PRKAR2A: variants seen among roughly 807,000 people sequenced by gnomAD.
PRKAR2A encodes protein kinase cAMP-dependent type II regulatory subunit alpha.
PRKAR2A carries 29 observed loss-of-function variants against 51.9 expected under a neutral mutation model. The ratio of observed to expected loss-of-function variants is 0.56; its 90% CI spans 0.42 to 0.76. The LOEUF (loss-of-function observed/expected upper bound fraction) is 0.76. PRKAR2A is among the 30% of genes least tolerant of loss of function. The pLI, the probability that PRKAR2A is intolerant of heterozygous loss-of-function variation, is 0.00. For missense variants in PRKAR2A, 445 were observed against 512.1 expected (o/e 0.87, Z 1.26); for synonymous variants, 178 against 186.2 (o/e 0.96, Z 0.36).
At chr3:48,808,762 C>T (rs2082722755) in intron 1 of PRKAR2A, among the ~76,000 whole-genome samples, 1 of 126,482 alleles carries the variant, frequency 7.9e-6, no homozygotes, top group Non-Finnish European at 1.6e-5. Context: ...AGTGATCCAC[C>T]CACCTTGGCC....
intron 10 of PRKAR2A, among the ~76,000 whole-genome samples, 159 bp from the exon 11 acceptor site, chr3:48,751,877 C>T (rs77535416): frequency 0.031 from 4,723 of 152,288 alleles, 107 homozygotes; most frequent in Non-Finnish European, 0.049. Context: ...AGAAGACTGT[C>T]ATCCAGGTTA....
intron 1 of PRKAR2A, among the ~76,000 whole-genome samples, chr3:48,833,091 A>C (rs2083220496): frequency 6.6e-6 from 1 of 152,214 alleles, no homozygotes; most frequent in South Asian, 2.1e-4. Context: ...TTGTATTAAC[A>C]CTGGCGCAAT....
intron 1 of PRKAR2A, among the ~76,000 whole-genome samples, chr3:48,824,140 T>C (rs1239929995): frequency 1.3e-5 from 2 of 151,830 alleles, no homozygotes; most frequent in Non-Finnish European, 2.9e-5. Context: ...ACTCGGGAGG[T>C]TGAGGCAGGA....
chr3:48,752,052 GGTCACATAA>G, intron 10 of PRKAR2A, 115 bp downstream of exon 10: 1 of 1,084,980 alleles, frequency 9.2e-7, no homozygotes, highest in South Asian at 1.7e-5. Flanking sequence ...ATCTCTGGTT[GGTCACATAA>G]ACTGCCTAGG....
At chr3:48,802,452 AG>A (rs910013938) in intron 2 of PRKAR2A, among the ~76,000 whole-genome samples, 3 of 152,152 alleles carry the variant, frequency 2.0e-5, no homozygotes, top group African/African-American at 7.2e-5. Context: ...TGAGTTTAAA[AG>A]GAAAAAAAAA....
At chr3:48,770,924 T>C (rs887279495) in intron 6 of PRKAR2A, among the ~76,000 whole-genome samples, 9 of 152,192 alleles carry the variant, frequency 5.9e-5, no homozygotes, top group African/African-American at 2.2e-4. Context: ...TCTTAGAGAT[T>C]ATCCAAGAAT....
At chr3:48,767,198 G>T (rs940071820) in intron 6 of PRKAR2A, among the ~76,000 whole-genome samples, 2 of 152,242 alleles carry the variant, frequency 1.3e-5, no homozygotes, top group Non-Finnish European at 1.5e-5. Context: ...ATAATAATGG[G>T]CTGGGCGCAG....
chr3:48,788,785 C>T (rs1036712342), intron 4 of PRKAR2A, among the ~76,000 whole-genome samples: 3 of 152,098 alleles, frequency 2.0e-5, no homozygotes, highest in Non-Finnish European at 2.9e-5. Flanking sequence ...CTGCTGGCAC[C>T]TTGAGCTTGG....
intron 9 of PRKAR2A, among the ~76,000 whole-genome samples, chr3:48,752,628 A>G (rs1158203442): frequency 6.6e-6 from 1 of 152,132 alleles, no homozygotes; most frequent in Non-Finnish European, 1.5e-5. Context: ...ATGAGCCACA[A>G]ACTTGGGCTA....
At position 48,847,223 on chromosome 3, in the gene PRKAR2A, C is replaced by A; in HGVS notation, c.262+112G>T. ...GCTAGAAACGCGGCTACAGAGCTCC[C>A]AATCCCAGCCTGCGGTCGGCTTGGC... On this transcript the variant is annotated intron_variant, in intron 1 of 10. Coordinates refer to ENST00000265563, the MANE Select transcript of PRKAR2A (RefSeq NM_004157.4). The surrounding 1 kb of genome is among the most constrained non-coding windows in gnomAD (Gnocchi z 4.4). 1 of 1,363,422 alleles carries A rather than the reference C, an allele frequency of 7.3e-7. No homozygotes were observed. The highest frequency in any genetic ancestry group is 9.9e-7 in the Non-Finnish European group (1 of 1,008,938). The allele number at this position is 1,363,422 out of a possible 1,614,324, so 84.5% of individuals were successfully genotyped here. A position where few individuals can be genotyped will look rare whatever the true frequency, so the allele number is the denominator to read the frequency against.
chr3:48,757,650 C>T (rs550192710), intron 8 of PRKAR2A, among the ~76,000 whole-genome samples: 3 of 152,268 alleles, frequency 2.0e-5, no homozygotes, highest in Non-Finnish European at 2.9e-5. Context: ...AGGCCAGGCA[C>T]GGTGGCTCAC....
chr3:48,810,820 T>C (rs562214478), intron 1 of PRKAR2A, among the ~76,000 whole-genome samples: 12 of 152,088 alleles, frequency 7.9e-5, no homozygotes, highest in Non-Finnish European at 1.6e-4. Context: ...ATTAAGGGAA[T>C]ATTGGTACAG....
chr3:48,817,136 G>C (rs1179658703), intron 1 of PRKAR2A, among the ~76,000 whole-genome samples: 1 of 151,700 alleles, frequency 6.6e-6, no homozygotes, highest in African/African-American at 2.4e-5. Flanking sequence ...AGACCATCCT[G>C]GCCAAGATGG....
chr3:48,773,417 C>T (rs1249301686), intron 5 of PRKAR2A, among the ~76,000 whole-genome samples: 1 of 144,512 alleles, frequency 6.9e-6, no homozygotes, highest in Non-Finnish European at 1.5e-5. Context: ...TATCTCAGCT[C>T]ACTGCAAGCT....
At chr3:48,837,996 G>A (rs1238370346) in intron 1 of PRKAR2A, among the ~76,000 whole-genome samples, 1 of 151,708 alleles carries the variant, frequency 6.6e-6, no homozygotes, top group Non-Finnish European at 1.5e-5. Context: ...GGCTAACACA[G>A]GGAAACCCCA....
chr3:48,811,021 A>T (rs2082762187), intron 1 of PRKAR2A, among the ~76,000 whole-genome samples: 1 of 152,056 alleles, frequency 6.6e-6, no homozygotes, highest in South Asian at 2.1e-4. Context: ...TTTACAAAAA[A>T]TTTAAAAATT....
intron 1 of PRKAR2A, among the ~76,000 whole-genome samples, chr3:48,829,867 ATATATT>A (rs1158488108): frequency 1.3e-5 from 1 of 79,624 alleles, no homozygotes; most frequent in Non-Finnish European, 2.2e-5. Context: ...ATATATATAT[ATATATT>A]TTTTTTTTTT....
At chr3:48,841,895 T>C (rs1486182345) in intron 1 of PRKAR2A, among the ~76,000 whole-genome samples, 1 of 152,124 alleles carries the variant, frequency 6.6e-6, no homozygotes, top group Non-Finnish European at 1.5e-5. Flanking sequence ...ACCAATAAAA[T>C]AGGGTACAAA....
intron 5 of PRKAR2A, among the ~76,000 whole-genome samples, chr3:48,773,562 TCTC>T (rs1355693349): frequency 6.6e-6 from 1 of 151,902 alleles, no homozygotes; most frequent in Non-Finnish European, 1.5e-5. Context: ...ATGGTCTCGA[TCTC>T]CTGGCTTCGT....
Sources: gnomAD v4.1 joint callset for allele counts (sites outside exome capture counted in the v4.1 genomes callset) on GRCh38, gnomAD v4.1.1 for gene constraint, Gnocchi (gnomAD v3.1) non-coding constraint, MANE v1.5 for transcripts, NCBI Gene and HGNC (gene_info 2026-07-23, HGNC 2026-07-21) for gene names.